MYO3B: variants seen among roughly 807,000 people sequenced by gnomAD.
MYO3B encodes myosin-IIIb.
In MYO3B, 156 loss-of-function variants were observed where a neutral mutation model predicts 174.6. That is an observed-to-expected ratio of 0.89 (90% CI 0.78 to 1.02). The LOEUF (loss-of-function observed/expected upper bound fraction) is 1.02. Among genes scored for constraint, MYO3B ranks in the 50% least tolerant of loss-of-function variants. The pLI, the probability that MYO3B is intolerant of heterozygous loss-of-function variation, is 0.00. For missense variants in MYO3B, 1,632 were observed against 1,639.4 expected (o/e 1.00, Z 0.08); for synonymous variants, 563 against 569.1 (o/e 0.99, Z 0.15).
At chr2:170,201,023 C>G (rs1574567787) in intron 3 of MYO3B, among the ~76,000 whole-genome samples, 1 of 152,188 alleles carries the variant, frequency 6.6e-6, no homozygotes, top group African/African-American at 2.4e-5. Flanking sequence ...GTTCCTGTTT[C>G]TAGCAGCATC....
chr2:170,452,371 A>C (rs1683646114), intron 23 of MYO3B, among the ~76,000 whole-genome samples: 1 of 152,126 alleles, frequency 6.6e-6, no homozygotes. Flanking sequence ...TGAAATTCTT[A>C]GGTTCTCTCA....
intron 6 of MYO3B, among the ~76,000 whole-genome samples, chr2:170,222,109 G>A (rs750318690): frequency 2.0e-5 from 3 of 152,102 alleles, no homozygotes; most frequent in South Asian, 2.1e-4. Flanking sequence ...GAAAACTTCC[G>A]ATTTTTAAAT....
chr2:170,508,728 G>A (rs565561362), intron 28 of MYO3B, among the ~76,000 whole-genome samples: 1 of 152,172 alleles, frequency 6.6e-6, no homozygotes, highest in African/African-American at 2.4e-5. Flanking sequence ...GGAAAGAGTT[G>A]AAATACTGTC....
intron 30 of MYO3B, among the ~76,000 whole-genome samples, chr2:170,539,441 T>C (rs938212124): frequency 1.3e-5 from 2 of 152,202 alleles, no homozygotes; most frequent in African/African-American, 4.8e-5. Context: ...GGTGTTAAAA[T>C]TGAGCACCGG....
chr2:170,284,801 A>C (rs1403258106), intron 7 of MYO3B, among the ~76,000 whole-genome samples: 1 of 152,214 alleles, frequency 6.6e-6, no homozygotes, highest in Non-Finnish European at 1.5e-5. Context: ...ACCACTATCT[A>C]TCCTACTTGT....
chr2:170,304,221 G>A (rs1327876400), intron 7 of MYO3B, among the ~76,000 whole-genome samples: 3 of 151,898 alleles, frequency 2.0e-5, no homozygotes, highest in African/African-American at 4.8e-5. Flanking sequence ...CTAACAAAAT[G>A]GCCATAGTGA....
At chr2:170,633,579 C>T (rs1268002231) in intron 32 of MYO3B, among the ~76,000 whole-genome samples, 1 of 152,192 alleles carries the variant, frequency 6.6e-6, no homozygotes, top group African/African-American at 2.4e-5. Context: ...GATGCCCTCT[C>T]TCACCACTCC....
At chr2:170,438,256 AT>A (rs1368692535) in intron 22 of MYO3B, among the ~76,000 whole-genome samples, 1 of 151,592 alleles carries the variant, frequency 6.6e-6, no homozygotes, top group Admixed American at 6.6e-5. Context: ...GTATGGCAGG[AT>A]TTCCTTGTTT....
At chr2:170,488,979 G>T (rs898387748) in intron 25 of MYO3B, among the ~76,000 whole-genome samples, 2 of 152,198 alleles carry the variant, frequency 1.3e-5, no homozygotes, top group African/African-American at 4.8e-5. Context: ...TCAAAAGCCT[G>T]ATATTCCAGA....
intron 16 of MYO3B, among the ~76,000 whole-genome samples, chr2:170,394,555 A>T (rs913165244): frequency 1.1e-4 from 17 of 152,218 alleles, no homozygotes; most frequent in Admixed American, 9.8e-4. Context: ...ATGAAAAGAA[A>T]AAAATGTAAA....
At chr2:170,618,732 G>C (rs1009864969) in intron 32 of MYO3B, among the ~76,000 whole-genome samples, 6 of 152,092 alleles carry the variant, frequency 3.9e-5, no homozygotes, top group Admixed American at 3.9e-4. Context: ...GGTGGGGGTT[G>C]GTTAGTGAGG....
At position 170,595,851 on chromosome 2, in the gene MYO3B, C is replaced by T. The variant is rs1024251430; in HGVS notation, c.3733+51863C>T. Among the ~76,000 whole-genome samples the T allele has an allele frequency of 9.2e-5, 13 of 141,952 alleles. No individual in the cohort carries two copies. In the South Asian group the frequency reaches 3.1e-3, roughly 34 times the overall value. 93.1% of individuals were successfully genotyped at this position (141,952 alleles called of 152,430 possible). On this transcript the variant is annotated intron_variant, in intron 32 of 34. Transcript: ENST00000408978. ...ACTGTTATTCCAACCAACCTTTCTC[C>T]TTGCTCAGCCAGCCTAACTAATGAA...
At chr2:170,294,304 C>G (rs2093614967) in intron 7 of MYO3B, among the ~76,000 whole-genome samples, 1 of 151,198 alleles carries the variant, frequency 6.6e-6, no homozygotes, top group Admixed American at 6.6e-5. Flanking sequence ...GGTTTTTCCC[C>G]TCATAATATA....
intron 32 of MYO3B, among the ~76,000 whole-genome samples, chr2:170,634,798 G>A (rs1398374968): frequency 1.3e-5 from 2 of 151,742 alleles, no homozygotes; most frequent in East Asian, 3.8e-4. Flanking sequence ...ATCAAAAAGT[G>A]GGCAAAGGAT....
chr2:170,261,101 G>A (rs1027456993), intron 7 of MYO3B, among the ~76,000 whole-genome samples: 3 of 152,138 alleles, frequency 2.0e-5, no homozygotes, highest in East Asian at 1.9e-4. Context: ...TTGGCTCACC[G>A]CAAACTCCGC....
intron 7 of MYO3B, among the ~76,000 whole-genome samples, chr2:170,279,868 G>C (rs1298143041): frequency 6.6e-6 from 1 of 152,094 alleles, no homozygotes; most frequent in Non-Finnish European, 1.5e-5. Context: ...GTCTACCACT[G>C]ATGGACAGTT....
chr2:170,283,071 G>A (rs1487386465), intron 7 of MYO3B, among the ~76,000 whole-genome samples: 3 of 152,210 alleles, frequency 2.0e-5, no homozygotes, highest in African/African-American at 7.2e-5. Flanking sequence ...CCCTGGGCTA[G>A]GATGCAGTTT....
At chr2:170,395,015 G>C (rs1025158911) in intron 16 of MYO3B, among the ~76,000 whole-genome samples, 1 of 152,192 alleles carries the variant, frequency 6.6e-6, no homozygotes, top group African/African-American at 2.4e-5. Context: ...GTTCCCTGCA[G>C]GAATCCCTTT....
chr2:170,529,429 TCTCC>T (rs1489022239), intron 30 of MYO3B, among the ~76,000 whole-genome samples: 1 of 151,832 alleles, frequency 6.6e-6, no homozygotes, highest in Non-Finnish European at 1.5e-5. Context: ...GTCCTCCTTC[TCTCC>T]CTCCCTCCCT....
Sources: gnomAD v4.1 joint callset for allele counts (sites outside exome capture counted in the v4.1 genomes callset) on GRCh38, gnomAD v4.1.1 for gene constraint, MANE v1.5 for transcripts, NCBI Gene and HGNC (gene_info 2026-07-23, HGNC 2026-07-21) for gene names.